Variants in ADAM17 observed in about 807,000 individuals in gnomAD.
ADAM17 encodes ADAM metallopeptidase domain 17.
In ADAM17, 39 loss-of-function variants were observed where a neutral mutation model predicts 96.7. That is an observed-to-expected ratio of 0.40 (90% CI 0.31 to 0.53). ADAM17 has a LOEUF of 0.53. ADAM17 is among the 20% of genes least tolerant of loss of function. The probability of loss-of-function intolerance (pLI) is 0.44; values close to 1 mark genes in which losing one functional copy is unlikely to be tolerated. For missense variants in ADAM17, 777 were observed against 1,013.2 expected (o/e 0.77, Z 3.17); for synonymous variants, 344 against 359.2 (o/e 0.96, Z 0.48).
At chr2:9,491,870 C>T (rs1662178232) in intron 17 of ADAM17, among the ~76,000 whole-genome samples, 1 of 152,248 alleles carries the variant, frequency 6.6e-6, no homozygotes, top group Non-Finnish European at 1.5e-5. Flanking sequence ...CGTGCCTTGT[C>T]CACATGTGCA....
At chr2:9,503,261 C>T (rs1408684182) in intron 12 of ADAM17, among the ~76,000 whole-genome samples, 2 of 151,982 alleles carry the variant, frequency 1.3e-5, no homozygotes, top group East Asian at 3.9e-4. Context: ...TTAATATGCA[C>T]TGTATCCAGT....
chr2:9,543,530 C>T (rs928562483), intron 1 of ADAM17, among the ~76,000 whole-genome samples: 1 of 152,172 alleles, frequency 6.6e-6, no homozygotes, highest in Non-Finnish European at 1.5e-5. Context: ...GCACTGATGC[C>T]TTCCCTTTCT....
intron 14 of ADAM17, among the ~76,000 whole-genome samples, chr2:9,495,339 T>C (rs1227052292): frequency 1.3e-5 from 2 of 152,222 alleles, no homozygotes; most frequent in African/African-American, 2.4e-5. Flanking sequence ...TACATAAGAA[T>C]GGCAGAAATG....
chr2:9,528,070 C>G, intron 4 of ADAM17, 116 bp from the exon 5 acceptor site: 1 of 643,864 alleles, frequency 1.6e-6, no homozygotes, highest in Non-Finnish European at 2.4e-6. Context: ...GTTAAGTAAA[C>G]TGATTAGTCA....
chr2:9,527,401 A>T (rs1281524215), intron 5 of ADAM17: 1 of 154,170 alleles, frequency 6.5e-6, no homozygotes. Flanking sequence ...GATGGATATA[A>T]CCTTCTTGTA....
At chr2:9,514,881 G>A (rs1221410714) in intron 10 of ADAM17, among the ~76,000 whole-genome samples, 1 of 151,948 alleles carries the variant, frequency 6.6e-6, no homozygotes, top group African/African-American at 2.4e-5. Context: ...TCTCAAAAAA[G>A]AAAAGGAGGA....
At chr2:9,535,593 C>A (rs1010272199) in intron 4 of ADAM17, among the ~76,000 whole-genome samples, 6 of 152,132 alleles carry the variant, frequency 3.9e-5, no homozygotes, top group African/African-American at 1.4e-4. Flanking sequence ...AGAAAGTTTT[C>A]TCTTCCTATT....
At chr2:9,498,828 A>G (rs749469561) in intron 13 of ADAM17, among the ~76,000 whole-genome samples, 32 of 152,252 alleles carry the variant, frequency 2.1e-4, no homozygotes, top group Non-Finnish European at 4.3e-4. Context: ...TGCTCAATAA[A>G]TATCTGTTGA....
At chr2:9,549,152 CACAA>C (rs1309168709) in intron 1 of ADAM17, among the ~76,000 whole-genome samples, 2 of 152,182 alleles carry the variant, frequency 1.3e-5, no homozygotes, top group African/African-American at 4.8e-5. Context: ...GTGGGTGGAT[CACAA>C]GGGTGGGAGT....
At chr2:9,535,275 C>A (rs1020934441) in intron 4 of ADAM17, among the ~76,000 whole-genome samples, 3 of 152,168 alleles carry the variant, frequency 2.0e-5, no homozygotes, top group Non-Finnish European at 4.4e-5. Context: ...AACTTCAATT[C>A]ACAATTATGA....
chr2:9,534,680 T>C (rs12464398), intron 4 of ADAM17, among the ~76,000 whole-genome samples: 34,880 of 152,140 alleles, frequency 0.23, 4,768 homozygotes, highest in Middle Eastern at 0.32. Flanking sequence ...AAATAGTGGG[T>C]ATAACTATAT....
intron 2 of ADAM17, 90 bp from the exon 3 acceptor site, chr2:9,536,918 C>G (rs1664982633): frequency 7.0e-7 from 1 of 1,421,280 alleles, no homozygotes; most frequent in Non-Finnish European, 9.6e-7. Context: ...AAGCCAGAAG[C>G]ATTGACATTA....
intron 10 of ADAM17, among the ~76,000 whole-genome samples, chr2:9,512,625 C>G (rs187818854): frequency 6.6e-6 from 1 of 152,290 alleles, no homozygotes; most frequent in Admixed American, 6.5e-5. Context: ...CATTCTCATT[C>G]TAGAGAGGGT....
intron 10 of ADAM17, among the ~76,000 whole-genome samples, chr2:9,517,066 A>G (rs1279233560): frequency 6.6e-6 from 1 of 152,080 alleles, no homozygotes; most frequent in Non-Finnish European, 1.5e-5. Context: ...CCATCTTAAA[A>G]CCATGAGGTG....
chr2:9,520,157 A>G (rs1376117389), intron 8 of ADAM17, among the ~76,000 whole-genome samples: 2 of 152,276 alleles, frequency 1.3e-5, no homozygotes, highest in Non-Finnish European at 2.9e-5. Flanking sequence ...GGACTAGCCC[A>G]TGCAAACTAT....
chr2:9,491,252 A>G, intron 17 of ADAM17, 101 bp from the exon 18 acceptor site: 7 of 1,089,226 alleles, frequency 6.4e-6, no homozygotes, highest in Non-Finnish European at 9.4e-6. Context: ...AAGAACTTAG[A>G]ACCTGAGTTG....
intron 11 of ADAM17, among the ~76,000 whole-genome samples, chr2:9,508,836 A>C (rs919620101): frequency 1.3e-5 from 2 of 152,188 alleles, no homozygotes; most frequent in African/African-American, 2.4e-5. Flanking sequence ...ACAGTTTGAC[A>C]GGTTGGAAGA....
Position 9,527,865 on chromosome 2 carries a change from A to G in ADAM17, c.540T>C (p.Ser180=). ...CTTTTAAATAACCACACACTTTTGGAGACTGCAAACGTGAAACATTCTTGA... is the reference window on the plus strand; with the variant it reads ...CTTTTAAATAACCACACACTTTTGGGGACTGCAAACGTGAAACATTCTTGA... ...EDIKNVSRLQ[S]PKVCGYLKVD... is the part of the protein sequence containing the mutation. The change falls in exon 5 of 19, where the codon TCT becomes TCC. Residue 180 remains serine (S), a synonymous_variant. Coordinates refer to ENST00000310823, the MANE Select transcript of ADAM17 (RefSeq NM_003183.6). 6.2e-7 allele frequency: 1 copy of G among 1,605,578 alleles called. No individual in the cohort carries two copies. The highest frequency in any genetic ancestry group is 8.5e-7 in the Non-Finnish European group (1 of 1,175,682).
At chr2:9,523,206 T>C in intron 7 of ADAM17, 43 bp downstream of exon 7, 1 of 1,429,002 alleles carries the variant, frequency 7.0e-7, no homozygotes, top group Non-Finnish European at 9.7e-7. Flanking sequence ...AATATTTACA[T>C]TACAAAACTT....
Sources: gnomAD v4.1 joint callset for allele counts (sites outside exome capture counted in the v4.1 genomes callset) on GRCh38, gnomAD v4.1.1 for gene constraint, MANE v1.5 for transcripts, NCBI Gene and HGNC (gene_info 2026-07-23, HGNC 2026-07-21) for gene names.